The following ROBO1 variants were observed in gnomAD, a reference collection of about 807,000 sequenced individuals.
ROBO1 encodes roundabout homolog 1.
A neutral mutation model predicts 195.9 loss-of-function variants in ROBO1; 149 were observed. That is an observed-to-expected ratio of 0.76 (90% CI 0.67 to 0.87). The LOEUF (loss-of-function observed/expected upper bound fraction) is 0.87, where lower values mean the gene tolerates loss of function less well. Ranked by LOEUF, ROBO1 falls within the 40% of genes least tolerant of loss-of-function variation. The pLI is 0.00. For missense variants in ROBO1, 1,933 were observed against 2,068.3 expected (o/e 0.93, Z 1.27); for synonymous variants, 816 against 733.2 (o/e 1.11, Z -1.82).
At chr3:79,445,862 C>T (rs1421328054) in intron 2 of ROBO1, among the ~76,000 whole-genome samples, 1 of 152,076 alleles carries the variant, frequency 6.6e-6, no homozygotes, top group Non-Finnish European at 1.5e-5. Flanking sequence ...CCGTGTTAGC[C>T]AGTATGGTCG....
chr3:79,500,921 C>A (rs1940036761), intron 2 of ROBO1, among the ~76,000 whole-genome samples: 1 of 151,934 alleles, frequency 6.6e-6, no homozygotes, highest in South Asian at 2.1e-4. Context: ...CAGAATATAA[C>A]CTAACTCTCT....
At chr3:79,102,206 T>G (rs1421504168) in intron 3 of ROBO1, among the ~76,000 whole-genome samples, 2 of 151,854 alleles carry the variant, frequency 1.3e-5, no homozygotes, top group Non-Finnish European at 2.9e-5. Flanking sequence ...GATTCCATTT[T>G]CAGATTCAAA....
At chr3:79,483,210 A>G (rs150100022) in intron 2 of ROBO1, among the ~76,000 whole-genome samples, 2 of 152,212 alleles carry the variant, frequency 1.3e-5, no homozygotes, top group African/African-American at 4.8e-5. Context: ...ATCCAGAGAC[A>G]TTGTGAAAAA....
intron 1 of ROBO1, among the ~76,000 whole-genome samples, chr3:79,729,134 T>C (rs1703044154): frequency 6.6e-6 from 1 of 152,212 alleles, no homozygotes; most frequent in East Asian, 1.9e-4. Context: ...TTTGAATATT[T>C]GTATTATGTT....
intron 1 of ROBO1, among the ~76,000 whole-genome samples, chr3:79,766,575 G>GC (rs1372571279): frequency 1.3e-5 from 2 of 151,960 alleles, no homozygotes; most frequent in Non-Finnish European, 2.9e-5. Context: ...CAGCGCCGCT[G>GC]CCCCGGGTGG....
At chr3:79,260,022 T>C (rs2082910090) in intron 2 of ROBO1, among the ~76,000 whole-genome samples, 1 of 151,802 alleles carries the variant, frequency 6.6e-6, no homozygotes, top group Admixed American at 6.6e-5. Context: ...TTACAATACA[T>C]AATTAGAAAA....
At chr3:79,597,840 T>C (rs1395675925) in intron 1 of ROBO1, among the ~76,000 whole-genome samples, 2 of 151,990 alleles carry the variant, frequency 1.3e-5, no homozygotes, top group East Asian at 3.9e-4. Flanking sequence ...ATCTTGAAAA[T>C]TGGGCAACAG....
At chr3:79,486,938 C>T (rs1939189119) in intron 2 of ROBO1, among the ~76,000 whole-genome samples, 1 of 152,150 alleles carries the variant, frequency 6.6e-6, no homozygotes, top group Admixed American at 6.5e-5. Flanking sequence ...ATCCAGGAGA[C>T]AGTACCTGAG....
chr3:78,777,013 T>C (rs777023052), intron 4 of ROBO1, among the ~76,000 whole-genome samples: 37 of 152,178 alleles, frequency 2.4e-4, no homozygotes, highest in Non-Finnish European at 4.3e-4. Flanking sequence ...ATAAGAAATA[T>C]TTGTGGATGT....
At chr3:79,207,118 T>G (rs895738028) in intron 2 of ROBO1, among the ~76,000 whole-genome samples, 2 of 151,916 alleles carry the variant, frequency 1.3e-5, no homozygotes, top group Non-Finnish European at 2.9e-5. Flanking sequence ...AAATGAACAA[T>G]GAGAAAAAAA....
At chr3:79,411,897 G>A (rs1310450066) in intron 2 of ROBO1, among the ~76,000 whole-genome samples, 2 of 152,100 alleles carry the variant, frequency 1.3e-5, no homozygotes, top group Non-Finnish European at 2.9e-5. Flanking sequence ...AATGCACCAA[G>A]AATTGAAAAC....
At chr3:79,272,415 C>G (rs1285749291) in intron 2 of ROBO1, among the ~76,000 whole-genome samples, 1 of 152,056 alleles carries the variant, frequency 6.6e-6, no homozygotes, top group Non-Finnish European at 1.5e-5. Context: ...CATTGAACAA[C>G]TATCCACACA....
intron 22 of ROBO1, 28 bp from the exon 23 acceptor site, chr3:78,636,136 A>C: frequency 6.6e-7 from 1 of 1,504,710 alleles, no homozygotes; most frequent in East Asian, 2.3e-5. Flanking sequence ...GAAAAGGAAA[A>C]AATCATTCTG....
chr3:79,013,020 C>T (rs1275319305), intron 3 of ROBO1, among the ~76,000 whole-genome samples: 1 of 152,030 alleles, frequency 6.6e-6, no homozygotes, highest in African/African-American at 2.4e-5. Context: ...TTCCAACCAG[C>T]TGATCAACCA....
At chr3:79,645,070 A>AGG (rs1945778370) in intron 1 of ROBO1, among the ~76,000 whole-genome samples, 1 of 152,136 alleles carries the variant, frequency 6.6e-6, no homozygotes, top group Non-Finnish European at 1.5e-5. Flanking sequence ...CAGTACTAAG[A>AGG]GGGAGGTTTA....
chr3:78,958,255 T>C (rs990865699), intron 3 of ROBO1, among the ~76,000 whole-genome samples: 1 of 152,238 alleles, frequency 6.6e-6, no homozygotes, highest in Non-Finnish European at 1.5e-5. Flanking sequence ...CGAAGACTAG[T>C]AACTGGTCTT....
chr3:79,279,559 A>T (rs1335697352), intron 2 of ROBO1, among the ~76,000 whole-genome samples: 3 of 152,144 alleles, frequency 2.0e-5, no homozygotes, highest in Non-Finnish European at 4.4e-5. Context: ...GTTCCTCAAA[A>T]ACCTACAAAT....
intron 5 of ROBO1, among the ~76,000 whole-genome samples, chr3:78,743,323 T>C (rs2082577174): frequency 6.6e-6 from 1 of 152,112 alleles, no homozygotes; most frequent in Non-Finnish European, 1.5e-5. Context: ...GGTGAATTCT[T>C]AATCCTCATC....
Position 79,059,503 on chromosome 3 carries a change from G to A in ROBO1, c.172+65953C>T, listed in dbSNP as rs141189075. 1.6e-3 allele frequency among the ~76,000 whole-genome samples: 249 copies of A among 152,150 alleles called. 2 individuals are homozygous for A. The highest frequency in any genetic ancestry group is 4.3e-4 in the Non-Finnish European group (29 of 67,964). On this transcript the variant is annotated intron_variant, in intron 3 of 30. Transcript: ENST00000464233. Reference sequence around the variant, plus strand: ...TTGCCATAGCACATTTATATAAAAGGAAAGAGAGCGATGTTGTGGGAAGTC... The same window carrying A: ...TTGCCATAGCACATTTATATAAAAGAAAAGAGAGCGATGTTGTGGGAAGTC...
Sources: allele counts gnomAD v4.1 joint callset (sites outside exome capture counted in the v4.1 genomes callset), GRCh38; gene constraint gnomAD v4.1.1; transcripts MANE v1.5; gene names NCBI Gene and HGNC (gene_info 2026-07-23, HGNC 2026-07-21).